KIAA0319L: variants seen among roughly 807,000 people sequenced by gnomAD.
KIAA0319L encodes dyslexia-associated protein KIAA0319-like protein.
KIAA0319L carries 55 observed loss-of-function variants against 120.1 expected under a neutral mutation model. The ratio of observed to expected loss-of-function variants is 0.46; its 90% CI spans 0.37 to 0.57. KIAA0319L has a LOEUF of 0.57. Among genes scored for constraint, KIAA0319L ranks in the 20% least tolerant of loss-of-function variants. The pLI is 0.00. For missense variants in KIAA0319L, 1,049 were observed against 1,255.3 expected, an observed-to-expected ratio of 0.84 and a Z score of 2.48; for synonymous variants, 398 against 471.9, an observed-to-expected ratio of 0.84 and a Z score of 2.03.
Position 35,457,305 on chromosome 1 carries a change from TC to T in KIAA0319L, c.1428-1065del, listed in dbSNP as rs568138694. Among the ~76,000 whole-genome samples, 308 of 152,182 alleles carry T rather than the reference TC, an allele frequency of 2.0e-3. 1 individual carries two copies. The highest frequency in any genetic ancestry group is 3.7e-3 in the Non-Finnish European group (253 of 68,004). On this transcript the variant is annotated intron_variant, in intron 9 of 20. Transcript: ENST00000325722. The stretch of plus-strand genomic sequence containing the variant: ...ATTCCCTACGCTATGTAGTGCAAGC[TC>T]CGTCTGCAGCAGGCTGTTTTCCCAT...
At chr1:35,461,463 T>C (rs1397807972) in intron 8 of KIAA0319L, among the ~76,000 whole-genome samples, 1 of 151,514 alleles carries the variant, frequency 6.6e-6, no homozygotes, top group East Asian at 1.9e-4. Context: ...CGAAACTCTG[T>C]CTCAAAAAAA....
chr1:35,507,303 G>A (rs1645242876), intron 2 of KIAA0319L, among the ~76,000 whole-genome samples, 168 bp from the exon 3 acceptor site: 1 of 152,058 alleles, frequency 6.6e-6, no homozygotes, highest in African/African-American at 2.4e-5. Context: ...AGTGTTTTTT[G>A]TCTTCGGATA....
intron 2 of KIAA0319L, among the ~76,000 whole-genome samples, chr1:35,523,732 G>A (rs1318297666): frequency 1.3e-5 from 2 of 152,206 alleles, no homozygotes; most frequent in East Asian, 1.9e-4. Flanking sequence ...TCCCAACTCA[G>A]AGATACATGG....
chr1:35,436,325 G>A (rs901743518), intron 20 of KIAA0319L, among the ~76,000 whole-genome samples: 28 of 152,220 alleles, frequency 1.8e-4, no homozygotes, highest in African/African-American at 6.8e-4. Flanking sequence ...CACATGCTCT[G>A]GGGCTTGGGC....
chr1:35,513,282 ATATATATT>A (rs1417821032), intron 2 of KIAA0319L, among the ~76,000 whole-genome samples: 5 of 98,840 alleles, frequency 5.1e-5, no homozygotes, highest in East Asian at 3.1e-4. Context: ...ATATATATAT[ATATATATT>A]TTTTTTTTTT....
chr1:35,492,746 G>A (rs1570805647), intron 3 of KIAA0319L, among the ~76,000 whole-genome samples: 1 of 152,086 alleles, frequency 6.6e-6, no homozygotes, highest in Non-Finnish European at 1.5e-5. Flanking sequence ...ATTCCCTACA[G>A]CTGATGAAAG....
At chr1:35,556,334 A>T (rs1474212299) in intron 1 of KIAA0319L, 1 of 152,262 alleles carries the variant, frequency 6.6e-6, no homozygotes, top group Non-Finnish European at 1.5e-5. Context: ...CCATTTATGT[A>T]CACAGCGATA....
At chr1:35,475,447 A>G (rs1643872286) in intron 4 of KIAA0319L, among the ~76,000 whole-genome samples, 1 of 152,048 alleles carries the variant, frequency 6.6e-6, no homozygotes, top group East Asian at 1.9e-4. Flanking sequence ...TTGCTACAAG[A>G]TTCATTGTTC....
chr1:35,544,840 G>C lies in KIAA0319L; in HGVS notation c.142+9510C>G, dbSNP rs190148343. On this transcript the variant is annotated intron_variant, in intron 2 of 20. Transcript: ENST00000325722. ...ACTGGACAGAAGATACAATCCAACT[G>C]TTTTTAGTCAGGAGATAACAGGCAG... Among the ~76,000 whole-genome samples the C allele has an allele frequency of 3.6e-3, 552 of 152,276 alleles. 1 individual carries two copies. The highest frequency in any genetic ancestry group is 6.7e-3 in the Non-Finnish European group (455 of 68,018).
In KIAA0319L at chr1:35,530,459, G is replaced by A. The variant is rs184386163; in HGVS notation, c.143-23324C>T. 1.1e-3 allele frequency among the ~76,000 whole-genome samples: 172 copies of A among 151,896 alleles called. 1 individual carries two copies. The highest frequency in any genetic ancestry group is 6.2e-4 in the Non-Finnish European group (42 of 67,946). The stretch of plus-strand genomic sequence containing the variant: ...GGTTCTTTTTTATGCTATCTCTTTG[G>A]TGAATTTCTCATTCATATCCTAAAT... On this transcript the variant is annotated intron_variant, in intron 2 of 20. Coordinates refer to ENST00000325722, the MANE Select transcript of KIAA0319L (RefSeq NM_024874.5).
chr1:35,441,425 T>G (rs1486732306), intron 19 of KIAA0319L, among the ~76,000 whole-genome samples: 16 of 152,056 alleles, frequency 1.1e-4, no homozygotes, highest in African/African-American at 3.9e-4. Context: ...AACAAAATCC[T>G]CTGCTTGAAG....
intron 4 of KIAA0319L, among the ~76,000 whole-genome samples, chr1:35,475,227 A>T (rs1371264475): frequency 6.6e-6 from 1 of 151,924 alleles, no homozygotes; most frequent in Non-Finnish European, 1.5e-5. Flanking sequence ...ATATTATTCT[A>T]TTTTTCCTCC....
chr1:35,552,082 C>T (rs1017542100), intron 2 of KIAA0319L, among the ~76,000 whole-genome samples: 2 of 151,420 alleles, frequency 1.3e-5, no homozygotes, highest in African/African-American at 2.4e-5. Flanking sequence ...TGGTGGCTCA[C>T]GCCTGTAATC....
At position 35,542,900 on chromosome 1, in the gene KIAA0319L, T is replaced by C. The variant is rs530232062; in HGVS notation, c.142+11450A>G. Among the ~76,000 whole-genome samples the C allele has an allele frequency of 3.9e-5, 6 of 152,366 alleles. No homozygotes were observed. The South Asian group carries it at 8.3e-4, about 21-fold the overall frequency. ...ATTCCTGAGGAGAATAAATTTAAGA[T>C]AGTTTTTAAATTGAGTTGGATTTAC... is the stretch of plus-strand genomic sequence containing the variant. On this transcript the variant is annotated intron_variant, in intron 2 of 20. Transcript: ENST00000325722.
rs1640869509 is a variant in KIAA0319L, at chr1:35,437,266, TC to T, written c.2963-2186del. ...TCTCCGGGCCATCACCGCCCGTTTC[TC>T]CCCTCCTGCCTCAGAAGAGGCATCT... On this transcript the variant is annotated intron_variant, in intron 20 of 20. Transcript: ENST00000325722. The surrounding 1 kb of genome is among the most constrained non-coding windows in gnomAD (Gnocchi z 4.1). Among the ~76,000 whole-genome samples the T allele has an allele frequency of 6.6e-6, 1 of 152,108 alleles. No individual in the cohort carries two copies. The highest frequency in any genetic ancestry group is 1.5e-5 in the Non-Finnish European group (1 of 68,028).
intron 4 of KIAA0319L, among the ~76,000 whole-genome samples, chr1:35,475,829 C>T (rs1196576975): frequency 6.6e-6 from 1 of 152,192 alleles, no homozygotes; most frequent in East Asian, 1.9e-4. Context: ...CATTAGAGAA[C>T]CATCATCTGA....
chr1:35,509,968 T>G (rs1375104291), intron 2 of KIAA0319L: 1 of 151,934 alleles, frequency 6.6e-6, no homozygotes, highest in Non-Finnish European at 1.5e-5. Context: ...GAAACAAAGA[T>G]CTTAACCCTA....
rs1643570318 is a variant in KIAA0319L at position 35,470,712 on chromosome 1, A to G, written c.1113+151T>C. 9.8e-6 allele frequency: 6 copies of G among 611,308 alleles called. No homozygotes were observed. The South Asian group carries it at 1.2e-4, about 12-fold the overall frequency. 37.9% of individuals were successfully genotyped at this position (611,308 alleles called of 1,614,324 possible). A position where few individuals can be genotyped will look rare whatever the true frequency, so the allele number is the denominator to read the frequency against. Reference sequence around the variant, plus strand: ...AATTTTGAGAATCATACACTAACAAATACTGGATGTCAGCCAGTCAGATTT... The same window carrying G: ...AATTTTGAGAATCATACACTAACAAGTACTGGATGTCAGCCAGTCAGATTT... On this transcript the variant is annotated intron_variant, in intron 6 of 20. Transcript: ENST00000325722.
At chr1:35,473,433 A>T (rs139858117) in intron 5 of KIAA0319L, among the ~76,000 whole-genome samples, 1 of 152,272 alleles carries the variant, frequency 6.6e-6, no homozygotes, top group Non-Finnish European at 1.5e-5. Context: ...GTTTTGAAAC[A>T]CTGATCTACA....
Sources: gnomAD v4.1 joint callset for allele counts (sites outside exome capture counted in the v4.1 genomes callset) on GRCh38, gnomAD v4.1.1 for gene constraint, Gnocchi (gnomAD v3.1) non-coding constraint, MANE v1.5 for transcripts, NCBI Gene and HGNC (gene_info 2026-07-23, HGNC 2026-07-21) for gene names.